GALNTL6: variants seen among roughly 807,000 people sequenced by gnomAD.
GALNTL6 encodes polypeptide N-acetylgalactosaminyltransferase like 6.
GALNTL6 carries 46 observed loss-of-function variants against 73.7 expected under a neutral mutation model. That is an observed-to-expected ratio of 0.62 (90% CI 0.49 to 0.80). The LOEUF (loss-of-function observed/expected upper bound fraction) is 0.80. GALNTL6 is among the 30% of genes least tolerant of loss of function. The pLI, the probability that GALNTL6 is intolerant of heterozygous loss-of-function variation, is 0.00. For missense variants in GALNTL6, 604 were observed against 755.0 expected (o/e 0.80, Z 2.34); for synonymous variants, 259 against 263.7 (o/e 0.98, Z 0.17).
chr4:172,982,809 G>C (rs1389378792), intron 10 of GALNTL6, among the ~76,000 whole-genome samples: 3 of 152,146 alleles, frequency 2.0e-5, no homozygotes, highest in Non-Finnish European at 4.4e-5. Context: ...ATATTTATCT[G>C]AGATGAGATC....
intron 8 of GALNTL6, among the ~76,000 whole-genome samples, chr4:172,903,957 C>A (rs971354540): frequency 6.6e-6 from 1 of 152,034 alleles, no homozygotes; most frequent in Admixed American, 6.6e-5. Context: ...GCATAGCACC[C>A]AATTGTTAGT....
At chr4:172,177,962 T>G (rs1315651672) in intron 2 of GALNTL6, among the ~76,000 whole-genome samples, 1 of 151,862 alleles carries the variant, frequency 6.6e-6, no homozygotes, top group African/African-American at 2.4e-5. Context: ...CCATCGTGAA[T>G]ATGTCATTCA....
At position 173,009,169 on chromosome 4, in the gene GALNTL6, T is replaced by C. The variant is rs1222781455; in HGVS notation, c.1372-9T>C. On this transcript the variant is annotated splice_polypyrimidine_tract_variant and intron_variant, in intron 10 of 12. Coordinates refer to ENST00000506823, the MANE Select transcript of GALNTL6 (RefSeq NM_001034845.3). ...GCCCCACACTCAAAATTCTTTCTTC[T>C]TTCCACAGATCCGAAATGTGGCAGC... The C allele has an allele frequency of 1.2e-6, 2 of 1,604,520 alleles. No individual in the cohort carries two copies. Among genetic ancestry groups the C allele is most frequent in the Admixed American group, 3.3e-5 (2 of 60,012 alleles).
At chr4:172,629,861 T>C (rs1239402599) in intron 5 of GALNTL6, among the ~76,000 whole-genome samples, 1 of 152,198 alleles carries the variant, frequency 6.6e-6, no homozygotes, top group Non-Finnish European at 1.5e-5. Flanking sequence ...GTTTTATGGA[T>C]TCAAGATAAG....
intron 2 of GALNTL6, among the ~76,000 whole-genome samples, chr4:171,948,960 TATAC>T (rs70941374): frequency 1.1e-3 from 140 of 132,834 alleles, no homozygotes; most frequent in Non-Finnish European, 1.3e-3. Flanking sequence ...GCCATATATA[TATAC>T]ACACACACAC....
chr4:172,917,832 A>T (rs1747602522), intron 8 of GALNTL6, among the ~76,000 whole-genome samples: 1 of 152,222 alleles, frequency 6.6e-6, no homozygotes, highest in Non-Finnish European at 1.5e-5. Flanking sequence ...ATTGTGGAAG[A>T]CAGTGTGGAG....
chr4:173,006,845 T>C (rs1752320882), intron 10 of GALNTL6, among the ~76,000 whole-genome samples: 1 of 152,216 alleles, frequency 6.6e-6, no homozygotes, highest in African/African-American at 2.4e-5. Flanking sequence ...GTTTGTTTGT[T>C]TCAAAAATGT....
chr4:171,853,046 G>A (rs1482020949), intron 2 of GALNTL6, among the ~76,000 whole-genome samples: 1 of 31,456 alleles, frequency 3.2e-5, no homozygotes, highest in Middle Eastern at 0.017. Context: ...TGTATTTTTA[G>A]TAGAGACGGG....
At chr4:172,443,585 G>A (rs1731917457) in intron 5 of GALNTL6, among the ~76,000 whole-genome samples, 1 of 151,940 alleles carries the variant, frequency 6.6e-6, no homozygotes, top group South Asian at 2.1e-4. Flanking sequence ...TAATATTATA[G>A]CCCCTTTTTA....
intron 2 of GALNTL6, among the ~76,000 whole-genome samples, chr4:172,190,928 A>G (rs1000813266): frequency 6.6e-6 from 1 of 152,202 alleles, no homozygotes; most frequent in Non-Finnish European, 1.5e-5. Flanking sequence ...TCTCAATCTT[A>G]CTGGAACACA....
chr4:172,097,841 G>C (rs1732399535), intron 2 of GALNTL6, among the ~76,000 whole-genome samples: 1 of 152,074 alleles, frequency 6.6e-6, no homozygotes, highest in African/African-American at 2.4e-5. Context: ...CCCAACGTCA[G>C]TCAGCATGTT....
At chr4:172,670,457 TG>T (rs1560869447) in intron 5 of GALNTL6, among the ~76,000 whole-genome samples, 1 of 152,180 alleles carries the variant, frequency 6.6e-6, no homozygotes, top group African/African-American at 2.4e-5. Flanking sequence ...TTTTGAAAAG[TG>T]TCTGTTCATG....
chr4:171,853,577 TTC>T (rs1354388619), intron 2 of GALNTL6, among the ~76,000 whole-genome samples: 23 of 150,846 alleles, frequency 1.5e-4, no homozygotes, highest in Middle Eastern at 3.4e-3. Context: ...TTTTGCTTTT[TTC>T]TCTCTTTTGT....
chr4:173,030,877 C>T (rs1470745003), intron 12 of GALNTL6, among the ~76,000 whole-genome samples: 2 of 151,614 alleles, frequency 1.3e-5, no homozygotes, highest in African/African-American at 2.4e-5. Context: ...TGGCACAGAC[C>T]TGTGGTCCCA....
At chr4:172,633,272 G>C (rs1156272425) in intron 5 of GALNTL6, among the ~76,000 whole-genome samples, 1 of 152,194 alleles carries the variant, frequency 6.6e-6, no homozygotes, top group Non-Finnish European at 1.5e-5. Flanking sequence ...GCAGCTGAGA[G>C]GGGGGCTATA....
intron 5 of GALNTL6, among the ~76,000 whole-genome samples, chr4:172,801,111 A>T (rs1238015640): frequency 2.0e-5 from 3 of 152,204 alleles, no homozygotes; most frequent in Non-Finnish European, 4.4e-5. Flanking sequence ...GGGAAAAATA[A>T]AATTCAAATA....
chr4:172,172,836 A>T (rs1393633536), intron 2 of GALNTL6, among the ~76,000 whole-genome samples: 1 of 152,200 alleles, frequency 6.6e-6, no homozygotes, highest in Admixed American at 6.5e-5. Flanking sequence ...ATCCTCCTGA[A>T]TCTAAATGCA....
chr4:172,732,001 AT>A (rs1048608040), intron 5 of GALNTL6, among the ~76,000 whole-genome samples: 2 of 152,072 alleles, frequency 1.3e-5, no homozygotes, highest in African/African-American at 4.8e-5. Context: ...AGTGAAAAAA[AT>A]GCATGTTCCA....
At chr4:171,939,648 G>T (rs1738464570) in intron 2 of GALNTL6, among the ~76,000 whole-genome samples, 1 of 151,652 alleles carries the variant, frequency 6.6e-6, no homozygotes, top group Admixed American at 6.6e-5. Context: ...AAAAGAAATG[G>T]ACTATAGAAC....
Sources: allele counts gnomAD v4.1 joint callset (sites outside exome capture counted in the v4.1 genomes callset), GRCh38; gene constraint gnomAD v4.1.1; transcripts MANE v1.5; gene names NCBI Gene and HGNC (gene_info 2026-07-23, HGNC 2026-07-21).